The following NEBL variants were observed in gnomAD, a reference collection of about 807,000 sequenced individuals.
NEBL encodes LIM and SH3 protein 2.
NEBL carries 122 observed loss-of-function variants against 140.2 expected under a neutral mutation model. The observed-to-expected ratio is 0.87, with a 90% CI of 0.75 to 1.01. The LOEUF (loss-of-function observed/expected upper bound fraction) is 1.01. NEBL is among the 50% of genes least tolerant of loss of function. The pLI, the probability that NEBL is intolerant of heterozygous loss-of-function variation, is 0.00. For synonymous variants in NEBL, 436 were observed against 398.9 expected (o/e 1.09, Z -1.11); for missense variants, 1,365 against 1,231.3 (o/e 1.11, Z -1.62).
Position 20,808,501 on chromosome 10 carries a change from G to A in NEBL, c.2761+9C>T. Reference sequence around the variant, plus strand: ...TCGATTTTCTTTGTAAGCAGTGAATGTTTGATACCTCCTTCATCAGACGGT... The same window carrying A: ...TCGATTTTCTTTGTAAGCAGTGAATATTTGATACCTCCTTCATCAGACGGT... On this transcript the variant is annotated intron_variant, in intron 26 of 27. Transcript: ENST00000377122. 5 of 1,613,618 alleles carry A rather than the reference G, an allele frequency of 3.1e-6. No homozygotes were observed. Among genetic ancestry groups the A allele is most frequent in the Non-Finnish European group, 3.4e-6 (4 of 1,179,640 alleles).
chr10:20,847,817 C>T (rs1175539314), intron 11 of NEBL, among the ~76,000 whole-genome samples: 6 of 152,166 alleles, frequency 3.9e-5, no homozygotes, highest in African/African-American at 1.4e-4. Flanking sequence ...GTCTCTAATC[C>T]TAACGTAACA....
At chr10:20,989,545 T>A (rs1372618078) in intron 3 of NEBL, among the ~76,000 whole-genome samples, 1 of 152,046 alleles carries the variant, frequency 6.6e-6, no homozygotes, top group South Asian at 2.1e-4. Flanking sequence ...AAAGAAACCA[T>A]AAATTTATGA....
At chr10:21,225,720 A>C (rs1179680583) in intron 3 of NEBL, among the ~76,000 whole-genome samples, 2 of 152,142 alleles carry the variant, frequency 1.3e-5, no homozygotes, top group South Asian at 2.1e-4. Context: ...CTCAAGGCCC[A>C]AGCGCTCTTC....
intron 4 of NEBL, among the ~76,000 whole-genome samples, chr10:20,905,807 C>G (rs569991740): frequency 6.6e-6 from 1 of 152,232 alleles, no homozygotes; most frequent in Admixed American, 6.5e-5. Flanking sequence ...GAGCTGAGGA[C>G]CCTTCAGCCT....
chr10:21,000,398 G>A (rs1210916723), intron 3 of NEBL, among the ~76,000 whole-genome samples: 1 of 151,988 alleles, frequency 6.6e-6, no homozygotes, highest in Non-Finnish European at 1.5e-5. Context: ...GGGGATTCTG[G>A]TCCCCCCATT....
chr10:20,799,245 T>C (rs1228016033), intron 26 of NEBL, among the ~76,000 whole-genome samples: 1 of 152,168 alleles, frequency 6.6e-6, no homozygotes, highest in Non-Finnish European at 1.5e-5. Context: ...AACCTCCACC[T>C]CCCGGGTTCA....
intron 3 of NEBL, among the ~76,000 whole-genome samples, chr10:20,996,779 C>T (rs1837685397): frequency 6.6e-6 from 1 of 152,130 alleles, no homozygotes; most frequent in Admixed American, 6.5e-5. Context: ...TTTGATATCC[C>T]TCAATATCAA....
At chr10:20,987,481 T>A (rs1248601093) in intron 3 of NEBL, among the ~76,000 whole-genome samples, 4 of 152,140 alleles carry the variant, frequency 2.6e-5, no homozygotes, top group African/African-American at 9.7e-5. Context: ...CAATGTCACT[T>A]ATGCAATGCA....
At chr10:20,884,431 C>T (rs371520645) in intron 4 of NEBL, among the ~76,000 whole-genome samples, 10 of 152,260 alleles carry the variant, frequency 6.6e-5, no homozygotes, top group African/African-American at 2.2e-4. Context: ...TCTCCCTGCC[C>T]TCGCTTTCAG....
At chr10:21,096,895 T>C (rs1026965156) in intron 2 of NEBL, among the ~76,000 whole-genome samples, 6 of 151,998 alleles carry the variant, frequency 3.9e-5, no homozygotes, top group African/African-American at 1.5e-4. Context: ...TTTGCATCAC[T>C]CTAGACCCAG....
chr10:21,227,711 T>TTCTTCTTC (rs1456600511), intron 3 of NEBL, among the ~76,000 whole-genome samples: 89 of 46,368 alleles, frequency 1.9e-3, no homozygotes, highest in Non-Finnish European at 2.1e-3. Context: ...CTTCTTCTTC[T>TTCTTCTTC]TTCTTCTTCT....
At chr10:20,827,231 T>C (rs1346970417) in intron 17 of NEBL, among the ~76,000 whole-genome samples, 2 of 152,148 alleles carry the variant, frequency 1.3e-5, no homozygotes, top group Non-Finnish European at 2.9e-5. Flanking sequence ...CATTTGGTAA[T>C]CCAGTGGCCC....
Position 20,885,655 on chromosome 10 carries a change from G to A in NEBL, c.369+2442C>T, listed in dbSNP as rs969538406. ...AGCTGTTGTGTGCTTTCAAAGAAAT[G>A]AGGATGGAAACATCGGAAAAGTTAC... On this transcript the variant is annotated intron_variant, in intron 4 of 27. Coordinates refer to ENST00000377122, the MANE Select transcript of NEBL (RefSeq NM_006393.3). Among the ~76,000 whole-genome samples the A allele has an allele frequency of 7.2e-5, 11 of 152,336 alleles. No individual in the cohort carries two copies. In the South Asian group the frequency reaches 1.2e-3, roughly 17 times the overall value.
chr10:20,941,875 T>G lies in NEBL; in HGVS notation c.357+19797A>C, dbSNP rs554383820. Among the ~76,000 whole-genome samples the G allele has an allele frequency of 1.2e-4, 18 of 151,964 alleles. No individual in the cohort carries two copies. The South Asian group carries it at 3.7e-3, about 32-fold the overall frequency. On this transcript the variant is annotated intron_variant, in intron 4 of 6. Coordinates refer to the NEBL transcript ENST00000417816. The stretch of plus-strand genomic sequence containing the variant: ...AGAATAAAATACCTAGGAATCCAAC[T>G]TACAAGGGATGTGAAGGACCTCTTC...
In NEBL at chr10:20,905,288, T is replaced by A. The variant is rs1462305307; in HGVS notation, c.357+56384A>T. ...GCAGAAACCAAGTGTATTAGCCCAT[T>A]TTCACATTGCTATAAAAACATACCC... is the stretch of plus-strand genomic sequence containing the variant. On this transcript the variant is annotated intron_variant, in intron 4 of 6. Transcript: ENST00000417816. Among the ~76,000 whole-genome samples the A allele has an allele frequency of 6.6e-5, 10 of 152,270 alleles. No individual in the cohort carries two copies. The South Asian group carries it at 2.1e-3, about 32-fold the overall frequency.
chr10:21,283,253 C>A (rs150027318), intron 1 of NEBL, among the ~76,000 whole-genome samples: 1 of 151,990 alleles, frequency 6.6e-6, no homozygotes, highest in African/African-American at 2.4e-5. Flanking sequence ...AGCGCCATGA[C>A]GGTTTACAAA....
At chr10:20,976,869 A>T (rs1485678294) in intron 3 of NEBL, among the ~76,000 whole-genome samples, 3 of 151,656 alleles carry the variant, frequency 2.0e-5, no homozygotes, top group Admixed American at 1.3e-4. Flanking sequence ...AAACCTCAGC[A>T]TCACACAATA....
At chr10:21,282,681 T>A (rs968765539) in intron 1 of NEBL, among the ~76,000 whole-genome samples, 2 of 152,022 alleles carry the variant, frequency 1.3e-5, no homozygotes, top group African/African-American at 4.8e-5. Context: ...CGTGTGAACC[T>A]CTGAGCAACT....
exon 4 of NEBL, chr10:20,961,777 G>C (rs1836060709): frequency 6.2e-7 from 1 of 1,611,128 alleles, no homozygotes; most frequent in Non-Finnish European, 8.5e-7. Flanking sequence ...TTTTGTACTT[G>C]ACCTAACAAG....
Sources: allele counts gnomAD v4.1 joint callset (sites outside exome capture counted in the v4.1 genomes callset), GRCh38; gene constraint gnomAD v4.1.1; transcripts MANE v1.5; gene names NCBI Gene and HGNC (gene_info 2026-07-23, HGNC 2026-07-21).